Variants in RND2 observed in about 807,000 individuals in gnomAD.
RND2 encodes Rho family GTPase 2.
Under a neutral mutation model 25.9 loss-of-function variants are expected in RND2, and 16 were observed. That is an observed-to-expected ratio of 0.62 (90% CI 0.42 to 0.94). RND2 has a LOEUF of 0.94. Among genes scored for constraint, RND2 ranks in the 40% least tolerant of loss-of-function variants. The pLI is 0.00. For missense variants in RND2, 276 were observed against 305.5 expected (o/e 0.90, Z 0.72); for synonymous variants, 97 against 118.1 (o/e 0.82, Z 1.16).
chr17:43,028,288 C>T, intron 4 of RND2, 93 bp downstream of exon 4: 1 of 1,593,118 alleles, frequency 6.3e-7, no homozygotes, highest in Non-Finnish European at 8.6e-7. Context: ...CTGGCTCATC[C>T]TTTGTTCTGG....
At position 43,026,046 on chromosome 17, in the gene RND2, A is replaced by C. The variant is rs2050620713; in HGVS notation, c.189A>C (p.Ser63=). ...TTGAGCTCAACATGTGGGACACTTCAGGTAGCCAAGTCCCTGGGGGTCACC... is the reference window on the plus strand; with the variant it reads ...TTGAGCTCAACATGTGGGACACTTCCGGTAGCCAAGTCCCTGGGGGTCACC... ...RRIELNMWDT[S]GSSYYDNVRP... The change falls in exon 2 of 5, where the codon TCA becomes TCC. Residue 63 remains serine, a splice_region_variant and synonymous_variant. Coordinates refer to ENST00000587250, the MANE Select transcript of RND2 (RefSeq NM_005440.5). 5 of 1,605,934 alleles carry C rather than the reference A, an allele frequency of 3.1e-6. No individual in the cohort carries two copies. The highest frequency in any genetic ancestry group is 4.3e-6 in the Non-Finnish European group (5 of 1,173,440).
At chr17:43,027,144 C>T in intron 2 of RND2, 39 bp from the exon 3 acceptor site, 2 of 1,357,406 alleles carry the variant, frequency 1.5e-6, no homozygotes, top group South Asian at 1.3e-5. Flanking sequence ...TTCCAGGCCT[C>T]CCATCCACTC....
chr17:43,025,596 G>A, intron 1 of RND2, 147 bp downstream of exon 1: 1 of 1,126,810 alleles, frequency 8.9e-7, no homozygotes, highest in Non-Finnish European at 1.2e-6. Context: ...TGAGGGCTCA[G>A]GAAGGACTGC....
chr17:43,025,842 A>G (rs2050618240), intron 1 of RND2, 118 bp from the exon 2 acceptor site: 1 of 358,412 alleles, frequency 2.8e-6, no homozygotes, highest in African/African-American at 3.0e-5. Flanking sequence ...CCTTTGCCCA[A>G]TCCCAGACCA....
At chr17:43,027,488 A>C (rs1172666961) in intron 3 of RND2, among the ~76,000 whole-genome samples, 196 bp downstream of exon 3, 1 of 152,140 alleles carries the variant, frequency 6.6e-6, no homozygotes, top group Non-Finnish European at 1.5e-5. Context: ...AAGTCCTCAG[A>C]GCTGGATACA....
chr17:43,028,321 C>T, intron 4 of RND2, 111 bp from the exon 5 acceptor site: 3 of 1,580,928 alleles, frequency 1.9e-6, no homozygotes, highest in South Asian at 1.2e-5. Flanking sequence ...GACCTGATCC[C>T]TTGACTGCCC....
intron 2 of RND2, 168 bp downstream of exon 2, chr17:43,026,215 A>C: frequency 3.6e-6 from 2 of 557,910 alleles, no homozygotes; most frequent in Non-Finnish European, 3.3e-6. Context: ...TAGAACTTGC[A>C]GAGCCTGACA....
chr17:43,025,261 C>T lies in RND2; in HGVS notation c.-87C>T, dbSNP rs998492489. 9.1e-5 allele frequency: 109 copies of T among 1,201,938 alleles called. No individual in the cohort carries two copies. Among genetic ancestry groups the T allele is most frequent in the Non-Finnish European group, 1.0e-4 (97 of 929,696 alleles). 74.5% of individuals were successfully genotyped at this position (1,201,938 alleles called of 1,614,324 possible). A position where few individuals can be genotyped will look rare whatever the true frequency, so the allele number is the denominator to read the frequency against. On this transcript the variant is annotated 5_prime_UTR_variant, in exon 1 of 5. Transcript: ENST00000587250. ...CCCGCGAGATGCCGGTGTTGGCGGC[C>T]CGAGCGGCTGCAGTTGCAGGGGCGG... is the stretch of plus-strand genomic sequence containing the variant.
chr17:43,025,597 G>A (rs1315093427), intron 1 of RND2, 148 bp downstream of exon 1: 2 of 1,115,348 alleles, frequency 1.8e-6, no homozygotes, highest in African/African-American at 1.6e-5. Flanking sequence ...GAGGGCTCAG[G>A]AAGGACTGCA....
At chr17:43,025,766 G>A (rs1180448136) in intron 1 of RND2, among the ~76,000 whole-genome samples, 194 bp from the exon 2 acceptor site, 3 of 141,698 alleles carry the variant, frequency 2.1e-5, no homozygotes, top group Non-Finnish European at 4.6e-5. Context: ...AACAGGAGGA[G>A]GTCTGGGAGC....
In RND2 at chr17:43,027,164, AT is replaced by A; in HGVS notation, c.191-18del. 6.5e-7 allele frequency: 1 copy of A among 1,545,390 alleles called. No homozygotes were observed. The highest frequency in any genetic ancestry group is 8.8e-7 in the Non-Finnish European group (1 of 1,130,034). Reference sequence around the variant, plus strand: ...GGCCTCCCATCCACTCAGGCCCCTCATGCCCTGTCTTCCTTCAGGTTCCTCT... The same window carrying A: ...GGCCTCCCATCCACTCAGGCCCCTCAGCCCTGTCTTCCTTCAGGTTCCTCT... On this transcript the variant is annotated intron_variant, in intron 2 of 4. Transcript: ENST00000587250.
At position 43,028,743 on chromosome 17, in the gene RND2, C is replaced by T. The variant is rs950029501; in HGVS notation, c.*63C>T. The T allele has an allele frequency of 2.2e-5, 33 of 1,494,716 alleles. No homozygotes were observed. The highest frequency in any genetic ancestry group is 5.5e-5 in the African/African-American group (4 of 72,304). The allele number at this position is 1,494,716 out of a possible 1,614,324, so 92.6% of individuals were successfully genotyped here. ...AGGGACACAATTGTTCCCCTGCCTG[C>T]GCCCAGGCTTCCTGACCTCCTGATC... On this transcript the variant is annotated 3_prime_UTR_variant, in exon 5 of 5. Coordinates refer to ENST00000587250, the MANE Select transcript of RND2 (RefSeq NM_005440.5).
chr17:43,028,882 G>A lies in RND2; in HGVS notation c.*202G>A. ...TCCCTCCTCTTCTCCAGTGGATGTT[G>A]AGGGAGCTAACAGGGCTGGCATCTG... is the stretch of plus-strand genomic sequence containing the variant. On this transcript the variant is annotated 3_prime_UTR_variant, in exon 5 of 5. Transcript: ENST00000587250. 5 of 762,110 alleles carry A rather than the reference G, an allele frequency of 6.6e-6. No homozygotes were observed. Among genetic ancestry groups the A allele is most frequent in the Non-Finnish European group, 1.0e-5 (5 of 490,820 alleles). The allele number at this position is 762,110 out of a possible 1,614,324, so 47.2% of individuals were successfully genotyped here. A position where few individuals can be genotyped will look rare whatever the true frequency, so the allele number is the denominator to read the frequency against.
At chr17:43,027,502 G>C (rs1043230467) in intron 3 of RND2, among the ~76,000 whole-genome samples, 1 of 152,188 alleles carries the variant, frequency 6.6e-6, no homozygotes, top group African/African-American at 2.4e-5. Flanking sequence ...GGATACAGCA[G>C]CTAGGGGAGG....
At chr17:43,026,852 C>T (rs763450138) in intron 2 of RND2, among the ~76,000 whole-genome samples, 2 of 152,158 alleles carry the variant, frequency 1.3e-5, no homozygotes, top group Non-Finnish European at 2.9e-5. Context: ...CTTTAGACTG[C>T]CAAAGCCCAG....
chr17:43,028,394 A>G (rs1457410197), intron 4 of RND2, 38 bp from the exon 5 acceptor site: 1 of 1,608,264 alleles, frequency 6.2e-7, no homozygotes, highest in Non-Finnish European at 8.5e-7. Context: ...GCAGGCTAAG[A>G]CCTATAACTT....
At chr17:43,028,295 C>A in intron 4 of RND2, 100 bp downstream of exon 4, 1 of 1,590,012 alleles carries the variant, frequency 6.3e-7, no homozygotes, top group Middle Eastern at 1.7e-4. Context: ...ATCCTTTGTT[C>A]TGGTCTGTGA....
chr17:43,027,300 C>A lies in RND2; in HGVS notation c.300+8C>A. ...GACAGTGTTCTCAAGAAGGTGGGAGCCTGGGGAAATAGGGCAGCTAGACTG... is the reference window on the plus strand; with the variant it reads ...GACAGTGTTCTCAAGAAGGTGGGAGACTGGGGAAATAGGGCAGCTAGACTG... On this transcript the variant is annotated splice_region_variant and intron_variant, in intron 3 of 4. Transcript: ENST00000587250. 6.3e-7 allele frequency: 1 copy of A among 1,595,032 alleles called. No homozygotes were observed. Among genetic ancestry groups the A allele is most frequent in the Non-Finnish European group, 8.6e-7 (1 of 1,166,824 alleles).
In RND2 at chr17:43,028,957, A is replaced by G. The variant is rs552410521; in HGVS notation, c.*277A>G. The G allele has an allele frequency of 4.9e-5, 23 of 471,420 alleles. No homozygotes were observed. The South Asian group carries it at 5.2e-4, about 11-fold the overall frequency. The allele number at this position is 471,420 out of a possible 1,614,324, so 29.2% of individuals were successfully genotyped here. On this transcript the variant is annotated 3_prime_UTR_variant, in exon 5 of 5. Coordinates refer to ENST00000587250, the MANE Select transcript of RND2 (RefSeq NM_005440.5). ...TGGGCGTTAGGGAAGCTGGTATCAAATGGTGACCTTGGTGGAGTCTCCTAT... is the reference window on the plus strand; with the variant it reads ...TGGGCGTTAGGGAAGCTGGTATCAAGTGGTGACCTTGGTGGAGTCTCCTAT...
Sources: gnomAD v4.1 joint callset for allele counts (sites outside exome capture counted in the v4.1 genomes callset) on GRCh38, gnomAD v4.1.1 for gene constraint, MANE v1.5 for transcripts, NCBI Gene and HGNC (gene_info 2026-07-23, HGNC 2026-07-21) for gene names.